The following RHAG variants were observed in gnomAD, a reference collection of about 807,000 sequenced individuals.
RHAG encodes Rh associated glycoprotein.
Under a neutral mutation model 42.4 loss-of-function variants are expected in RHAG, and 25 were observed. That is an observed-to-expected ratio of 0.59 (90% CI 0.43 to 0.82). RHAG has a LOEUF of 0.82. Among genes scored for constraint, RHAG ranks in the 40% least tolerant of loss-of-function variants. The pLI is 0.00. For missense variants in RHAG, 483 were observed against 504.6 expected (o/e 0.96, Z 0.41); for synonymous variants, 182 against 177.7 (o/e 1.02, Z -0.19).
intron 1 of RHAG, among the ~76,000 whole-genome samples, chr6:49,628,847 G>A (rs780321156): frequency 1.7e-4 from 26 of 152,326 alleles, no homozygotes; most frequent in Non-Finnish European, 3.1e-4. Flanking sequence ...TAAAAGCAGT[G>A]TGGACCCAAA....
intron 4 of RHAG, 143 bp downstream of exon 4, chr6:49,615,481 C>T: frequency 2.2e-6 from 2 of 914,974 alleles, no homozygotes; most frequent in Middle Eastern, 2.2e-4. Flanking sequence ...CCACCTCAGC[C>T]TCCTGAGTAG....
intron 3 of RHAG, 43 bp downstream of exon 3, chr6:49,618,025 C>T (rs751996489): frequency 1.9e-6 from 3 of 1,591,974 alleles, no homozygotes; most frequent in Non-Finnish European, 2.6e-6. Context: ...GTAGCCAGAA[C>T]TGATGCCCAA....
chr6:49,606,665 G>A (rs1374681666), intron 9 of RHAG, 183 bp downstream of exon 9: 4 of 581,802 alleles, frequency 6.9e-6, no homozygotes, highest in Non-Finnish European at 1.2e-5. Flanking sequence ...CAAACTCCTG[G>A]CATCAAACAA....
intron 1 of RHAG, among the ~76,000 whole-genome samples, chr6:49,622,351 G>T (rs1353626827): frequency 6.6e-6 from 1 of 152,002 alleles, no homozygotes; most frequent in Admixed American, 6.6e-5. Flanking sequence ...CAAGTAGCTG[G>T]GGTTACAGGT....
chr6:49,612,379 A>T lies in RHAG; in HGVS notation c.945+18T>A. On this transcript the variant is annotated intron_variant, in intron 6 of 9. Transcript: ENST00000371175. ...GGTGCAGATTCAGAGTTTGACTCAG[A>T]ACATCTGCTGTACTTACAGTCAGGA... is the stretch of plus-strand genomic sequence containing the variant. The T allele has an allele frequency of 6.2e-7, 1 of 1,613,792 alleles. No homozygotes were observed. Among genetic ancestry groups the T allele is most frequent in the Non-Finnish European group, 8.5e-7 (1 of 1,179,670 alleles).
chr6:49,635,844 A>G (rs2127360030), intron 1 of RHAG, among the ~76,000 whole-genome samples: 1 of 152,274 alleles, frequency 6.6e-6, no homozygotes, highest in African/African-American at 2.4e-5. Flanking sequence ...CATTTTAAAT[A>G]ATTTTTAAAT....
chr6:49,628,751 G>C (rs886170885), intron 1 of RHAG, among the ~76,000 whole-genome samples: 27 of 151,350 alleles, frequency 1.8e-4, no homozygotes, highest in African/African-American at 6.6e-4. Context: ...GGCGCGTCTC[G>C]AGTTGTTCGT....
intron 4 of RHAG, 119 bp downstream of exon 4, chr6:49,615,505 C>G (rs369347729): frequency 8.6e-7 from 1 of 1,156,438 alleles, no homozygotes; most frequent in Non-Finnish European, 1.3e-6. Context: ...AGGATACAGT[C>G]GTTCACTACC....
At chr6:49,625,158 G>C (rs78392529) in intron 1 of RHAG, among the ~76,000 whole-genome samples, 4,315 of 152,302 alleles carry the variant, frequency 0.028, 219 homozygotes, top group African/African-American at 0.099. Context: ...GTTGACTGAT[G>C]TTAGTGAAGA....
chr6:49,605,983 T>C (rs1051625810), intron 9 of RHAG, among the ~76,000 whole-genome samples, 153 bp from the exon 10 acceptor site: 3 of 152,156 alleles, frequency 2.0e-5, no homozygotes, highest in Admixed American at 2.0e-4. Context: ...AATAAAAGAA[T>C]AAAACATTTA....
chr6:49,611,793 G>C (rs915703537), intron 6 of RHAG, among the ~76,000 whole-genome samples: 1 of 151,404 alleles, frequency 6.6e-6, no homozygotes, highest in Admixed American at 6.6e-5. Flanking sequence ...CCAGGCTGGA[G>C]GGTAATGGTG....
intron 4 of RHAG, chr6:49,615,416 A>T: frequency 2.0e-6 from 1 of 490,378 alleles, no homozygotes; most frequent in Non-Finnish European, 3.6e-6. Context: ...TTTTTTAGAG[A>T]TGGAGTCTCA....
intron 7 of RHAG, 33 bp from the exon 8 acceptor site, chr6:49,607,253 T>C (rs2127349365): frequency 1.3e-6 from 2 of 1,572,148 alleles, no homozygotes; most frequent in South Asian, 1.1e-5. Flanking sequence ...ATCAGTGTCT[T>C]TCCTGGATCT....
intron 5 of RHAG, among the ~76,000 whole-genome samples, chr6:49,613,549 C>T (rs1424561406): frequency 2.0e-5 from 3 of 152,090 alleles, no homozygotes; most frequent in African/African-American, 4.8e-5. Context: ...TATATGTCCT[C>T]AGCAATGCTT....
intron 1 of RHAG, among the ~76,000 whole-genome samples, chr6:49,625,755 C>T (rs1762833570): frequency 6.6e-6 from 1 of 152,026 alleles, no homozygotes; most frequent in South Asian, 2.1e-4. Context: ...CTCTGTTCTC[C>T]CAGTTCTAAT....
chr6:49,618,568 G>C (rs987559591), intron 2 of RHAG, among the ~76,000 whole-genome samples: 1 of 152,264 alleles, frequency 6.6e-6, no homozygotes, highest in East Asian at 1.9e-4. Context: ...AGCTGAGATG[G>C]AAGGAATAAT....
chr6:49,633,201 C>A (rs536450419), intron 1 of RHAG, among the ~76,000 whole-genome samples: 6 of 152,216 alleles, frequency 3.9e-5, no homozygotes, highest in African/African-American at 1.4e-4. Flanking sequence ...ATACTCAAAT[C>A]TTTTACCACA....
At chr6:49,619,708 A>G (rs184031354) in intron 1 of RHAG, among the ~76,000 whole-genome samples, 1 of 152,294 alleles carries the variant, frequency 6.6e-6, no homozygotes, top group African/African-American at 2.4e-5. Flanking sequence ...GACTTTCCCA[A>G]TACTCTCAGG....
intron 1 of RHAG, among the ~76,000 whole-genome samples, chr6:49,635,766 A>G (rs575948083): frequency 1.3e-5 from 2 of 152,316 alleles, no homozygotes; most frequent in East Asian, 3.9e-4. Flanking sequence ...GTTGGAATAA[A>G]AAAAAGGGTG....
Sources: gnomAD v4.1 joint callset for allele counts (sites outside exome capture counted in the v4.1 genomes callset) on GRCh38, gnomAD v4.1.1 for gene constraint, MANE v1.5 for transcripts, NCBI Gene and HGNC (gene_info 2026-07-23, HGNC 2026-07-21) for gene names.